The following AMER1 variants were observed in gnomAD, a reference collection of about 807,000 sequenced individuals.
The protein encoded by AMER1 is RP11-403E24.2.
Under a neutral mutation model 53.0 loss-of-function variants are expected in AMER1, and 16 were observed. That is an observed-to-expected ratio of 0.30 (90% CI 0.20 to 0.46). The LOEUF is 0.46. Among genes scored for constraint, AMER1 ranks in the 20% least tolerant of loss-of-function variants. The pLI, the probability that AMER1 is intolerant of heterozygous loss-of-function variation, is 1.00. For missense variants in AMER1, 947 were observed against 884.9 expected, an observed-to-expected ratio of 1.07 and a Z score of -0.89; for synonymous variants, 354 against 331.9, an observed-to-expected ratio of 1.07 and a Z score of -0.73.
Position 64,191,391 on chromosome X carries a change from C to A in AMER1, c.1896G>T (p.Glu632Asp), listed in dbSNP as rs2147087211. ...GGACTTGAGTCTCTCTACAACGAAC[C>A]TCTCGGGCCTGGGCTTCTCGGGTTC... Reference protein sequence around the residue: ...EARTREAQAREVRCRETQVRE... With the variant: ...EARTREAQARDVRCRETQVRE... Residue 632 changes from glutamate (E) to aspartate (D), a missense_variant, in exon 2 of 2, where the codon GAG (glutamate) becomes GAT (aspartate). Coordinates refer to ENST00000374869, the MANE Select transcript of AMER1 (RefSeq NM_152424.4). 1 of 1,211,869 alleles carries A rather than the reference C, an allele frequency of 8.3e-7. No individual in the cohort carries two copies.
intron 1 of AMER1, among the ~76,000 whole-genome samples, chrX:64,199,995 G>A (rs901089315): frequency 8.9e-6 from 1 of 112,510 alleles, no homozygotes; most frequent in Non-Finnish European, 1.9e-5. Flanking sequence ...CCCTAGAAAT[G>A]GGCTTTCCTG....
chrX:64,188,320 C>A lies in AMER1; in HGVS notation c.*1559G>T. 1 of 801,316 alleles carries A rather than the reference C, an allele frequency of 1.2e-6. No individual in the cohort carries two copies. Among genetic ancestry groups the A allele is most frequent in the Non-Finnish European group, 1.5e-6 (1 of 668,077 alleles). 66.0% of individuals were successfully genotyped at this position (801,316 alleles called of 1,213,427 possible). A position where few individuals can be genotyped will look rare whatever the true frequency, so the allele number is the denominator to read the frequency against. On this transcript the variant is annotated 3_prime_UTR_variant, in exon 2 of 2. Coordinates refer to ENST00000374869, the MANE Select transcript of AMER1 (RefSeq NM_152424.4). ...TTCCAATAAAGACATGTAAAAGGAA[C>A]CCTCTCCTACAGGTGATTAATGAGA...
intron 1 of AMER1, among the ~76,000 whole-genome samples, chrX:64,196,107 T>C (rs1489412816): frequency 1.8e-5 from 2 of 112,167 alleles, no homozygotes. Context: ...CCCTTGCTCC[T>C]ATGCTCTGTG....
chrX:64,188,176 G>A lies in AMER1; in HGVS notation c.*1703C>T. 1 of 804,793 alleles carries A rather than the reference G, an allele frequency of 1.2e-6. No individual in the cohort carries two copies. The highest frequency in any genetic ancestry group is 2.2e-5 in the African/African-American group (1 of 46,251). 66.3% of individuals were successfully genotyped at this position (804,793 alleles called of 1,213,427 possible). ...GCTAAATTGCCATATCTCAGGAATG[G>A]CAAGAACCCTGTTGACTTCTTCTCT... On this transcript the variant is annotated 3_prime_UTR_variant, in exon 2 of 2. Transcript: ENST00000374869.
Position 64,189,793 on chromosome X carries a change from A to ACCCAC in AMER1, c.*85_*86insGTGGG. Reference sequence around the variant, plus strand: ...CAAAGGGTTTTCAAGTTAAACAACAACCCCCACCCCCCCACCCTTCTGCCC... The same window carrying ACCCAC: ...CAAAGGGTTTTCAAGTTAAACAACAACCCACCCCCCACCCCCCCACCCTTCTGCCC... On this transcript the variant is annotated 3_prime_UTR_variant, in exon 2 of 2. Coordinates refer to ENST00000374869, the MANE Select transcript of AMER1 (RefSeq NM_152424.4). 6.8e-6 allele frequency: 2 copies of ACCCAC among 292,073 alleles called. No homozygotes were observed. The highest frequency in any genetic ancestry group is 1.6e-3 in the Middle Eastern group (1 of 620). 24.1% of individuals were successfully genotyped at this position (292,073 alleles called of 1,213,427 possible). A position where few individuals can be genotyped will look rare whatever the true frequency, so the allele number is the denominator to read the frequency against.
In AMER1 at chrX:64,190,341, C is replaced by T. The variant is rs763440022; in HGVS notation, c.2946G>A (p.Arg982=). The T allele has an allele frequency of 3.3e-6, 4 of 1,211,401 alleles. No homozygotes were observed. The highest frequency in any genetic ancestry group is 3.5e-5 in the South Asian group (2 of 56,804). The change falls in exon 2 of 2, where the codon AGG becomes AGA. Residue 982 remains arginine, a synonymous_variant. Transcript: ENST00000374869. ...GCCTATATGGAGACTGGCTGGAAGG[C>T]CTGTCCAACTGGTTGGGGCTTATCC... The part of the protein sequence containing the change: ...PAWISPNQLD[R]PSSQSPYRQA...
chrX:64,189,793 A>AGGGGGGCCCCCCCCCC lies in AMER1; in HGVS notation c.*85_*86insGGGGGGGGGGCCCCCC. Reference sequence around the variant, plus strand: ...CAAAGGGTTTTCAAGTTAAACAACAACCCCCACCCCCCCACCCTTCTGCCC... The same window carrying AGGGGGGCCCCCCCCCC: ...CAAAGGGTTTTCAAGTTAAACAACAAGGGGGGCCCCCCCCCCCCCCCACCCCCCCACCCTTCTGCCC... On this transcript the variant is annotated 3_prime_UTR_variant, in exon 2 of 2. Transcript: ENST00000374869. The AGGGGGGCCCCCCCCCC allele has an allele frequency of 3.4e-6, 1 of 292,067 alleles. No individual in the cohort carries two copies. 24.1% of individuals were successfully genotyped at this position (292,067 alleles called of 1,213,427 possible).
At chrX:64,203,336 T>G (rs1348596211) in intron 1 of AMER1, among the ~76,000 whole-genome samples, 2 of 111,708 alleles carry the variant, frequency 1.8e-5, no homozygotes, top group Non-Finnish European at 3.8e-5. Context: ...TTCATATGAA[T>G]CAGGACAAGC....
Position 64,192,061 on chromosome X carries a change from A to T in AMER1, c.1226T>A (p.Leu409Gln), listed in dbSNP as rs1486339845. ...TGGATACATTTGGGCAGTTTCCCAC[A>T]GATATTCTAAGTCATCATCTTCTTC... ...EEEEDDDLEY[L>Q]WETAQMYPRP... The change falls in exon 2 of 2, where the codon CTG (leucine) becomes CAG (glutamine). Residue 409 changes from leucine to glutamine, a missense_variant. Leu to Gln is a moderately radical substitution (Grantham distance 113, BLOSUM62 -2). Coordinates refer to ENST00000374869, the MANE Select transcript of AMER1 (RefSeq NM_152424.4). 1 of 1,210,165 alleles carries T rather than the reference A, an allele frequency of 8.3e-7. No individual in the cohort carries two copies. Among genetic ancestry groups the T allele is most frequent in the African/African-American group, 1.8e-5 (1 of 57,139 alleles).
Position 64,189,793 on chromosome X carries a change from A to ACGGGGCCC in AMER1, c.*85_*86insGGGCCCCG. 3.4e-6 allele frequency: 1 copy of ACGGGGCCC among 292,061 alleles called. No individual in the cohort carries two copies. Among genetic ancestry groups the ACGGGGCCC allele is most frequent in the Non-Finnish European group, 4.9e-6 (1 of 204,824 alleles). The allele number at this position is 292,061 out of a possible 1,213,427, so 24.1% of individuals were successfully genotyped here. A position where few individuals can be genotyped will look rare whatever the true frequency, so the allele number is the denominator to read the frequency against. On this transcript the variant is annotated 3_prime_UTR_variant, in exon 2 of 2. Coordinates refer to ENST00000374869, the MANE Select transcript of AMER1 (RefSeq NM_152424.4). Reference sequence around the variant, plus strand: ...CAAAGGGTTTTCAAGTTAAACAACAACCCCCACCCCCCCACCCTTCTGCCC... The same window carrying ACGGGGCCC: ...CAAAGGGTTTTCAAGTTAAACAACAACGGGGCCCCCCCCACCCCCCCACCCTTCTGCCC...
In AMER1 at chrX:64,189,792, A is replaced by AGGGGGGGGGCCCCCCCCCCCCCCCCCCC; in HGVS notation, c.*86_*87insGGGGGGGGGGGGGGGGGGGCCCCCCCCC. On this transcript the variant is annotated 3_prime_UTR_variant, in exon 2 of 2. Transcript: ENST00000374869. ...CCAAAGGGTTTTCAAGTTAAACAAC[A>AGGGGGGGGGCCCCCCCCCCCCCCCCCCC]ACCCCCACCCCCCCACCCTTCTGCC... The AGGGGGGGGGCCCCCCCCCCCCCCCCCCC allele has an allele frequency of 1.3e-6, 1 of 746,979 alleles. No individual in the cohort carries two copies. Among genetic ancestry groups the AGGGGGGGGGCCCCCCCCCCCCCCCCCCC allele is most frequent in the Non-Finnish European group, 1.7e-6 (1 of 590,434 alleles). The allele number at this position is 746,979 out of a possible 1,213,427, so 61.6% of individuals were successfully genotyped here. A position where few individuals can be genotyped will look rare whatever the true frequency, so the allele number is the denominator to read the frequency against.
rs1475472635 is a variant in AMER1, at chrX:64,186,549, G to A, written c.*3330C>T. 6.4e-6 allele frequency: 5 copies of A among 777,747 alleles called. No individual in the cohort carries two copies. In the African/African-American group the frequency reaches 6.8e-5, roughly 11 times the overall value. The allele number at this position is 777,747 out of a possible 1,213,427, so 64.1% of individuals were successfully genotyped here. A position where few individuals can be genotyped will look rare whatever the true frequency, so the allele number is the denominator to read the frequency against. ...AACTGGGCCTGGGGGCTGAGGGCAG[G>A]TGGGGTGGTGGCACTGGCACAGGTA... is the stretch of plus-strand genomic sequence containing the variant. On this transcript the variant is annotated 3_prime_UTR_variant, in exon 2 of 2. Transcript: ENST00000374869.
In AMER1 at chrX:64,186,969, C is replaced by A; in HGVS notation, c.*2910G>T. ...AGCTACTTCCACTAAGTCCCATTTT[C>A]CCTTAAAATCACATCCAAAAGCATT... On this transcript the variant is annotated 3_prime_UTR_variant, in exon 2 of 2. Transcript: ENST00000374869. 3 of 775,879 alleles carry A rather than the reference C, an allele frequency of 3.9e-6. No homozygotes were observed. The highest frequency in any genetic ancestry group is 4.6e-6 in the Non-Finnish European group (3 of 651,803). The allele number at this position is 775,879 out of a possible 1,213,427, so 63.9% of individuals were successfully genotyped here.
Position 64,189,793 on chromosome X carries a change from A to ACCGGCCCCCCCCCCCCCCCCC in AMER1, c.*85_*86insGGGGGGGGGGGGGGGGGCCGG. 1 of 292,071 alleles carries ACCGGCCCCCCCCCCCCCCCCC rather than the reference A, an allele frequency of 3.4e-6. No homozygotes were observed. Among genetic ancestry groups the ACCGGCCCCCCCCCCCCCCCCC allele is most frequent in the Non-Finnish European group, 4.9e-6 (1 of 204,829 alleles). 24.1% of individuals were successfully genotyped at this position (292,071 alleles called of 1,213,427 possible). On this transcript the variant is annotated 3_prime_UTR_variant, in exon 2 of 2. Transcript: ENST00000374869. ...CAAAGGGTTTTCAAGTTAAACAACA[A>ACCGGCCCCCCCCCCCCCCCCC]CCCCCACCCCCCCACCCTTCTGCCC...
chrX:64,202,212 C>T (rs1038671735), intron 1 of AMER1, among the ~76,000 whole-genome samples: 2 of 111,808 alleles, frequency 1.8e-5, no homozygotes, highest in Admixed American at 9.4e-5. Flanking sequence ...ACTACCTCCT[C>T]TCCTTTTGAA....
rs956543078 is a variant in AMER1 at position 64,188,130 on chromosome X, G to A, written c.*1749C>T. ...CCACAAAGTCACCTTGACTTAGGGG[G>A]CAAACAGCATCTGTTCCCAAGCTAA... On this transcript the variant is annotated 3_prime_UTR_variant, in exon 2 of 2. Coordinates refer to ENST00000374869, the MANE Select transcript of AMER1 (RefSeq NM_152424.4). 3.8e-6 allele frequency: 3 copies of A among 796,428 alleles called. No homozygotes were observed. Among genetic ancestry groups the A allele is most frequent in the African/African-American group, 2.2e-5 (1 of 45,214 alleles). 65.6% of individuals were successfully genotyped at this position (796,428 alleles called of 1,213,427 possible).
Position 64,189,794 on chromosome X carries a change from C to CCG in AMER1, c.*84_*85insCG. On this transcript the variant is annotated 3_prime_UTR_variant, in exon 2 of 2. Transcript: ENST00000374869. ...AAAGGGTTTTCAAGTTAAACAACAACCCCCACCCCCCCACCCTTCTGCCCA... is the reference window on the plus strand; with the variant it reads ...AAAGGGTTTTCAAGTTAAACAACAACCGCCCCACCCCCCCACCCTTCTGCCCA... 9.9e-6 allele frequency: 3 copies of CCG among 301,674 alleles called. No homozygotes were observed. Among genetic ancestry groups the CCG allele is most frequent in the African/African-American group, 4.1e-5 (1 of 24,175 alleles). The allele number at this position is 301,674 out of a possible 1,213,427, so 24.9% of individuals were successfully genotyped here. A position where few individuals can be genotyped will look rare whatever the true frequency, so the allele number is the denominator to read the frequency against.
In AMER1 at chrX:64,192,534, C is replaced by T. The variant is rs762292528; in HGVS notation, c.753G>A (p.Glu251=). Residue 251 remains glutamate, a synonymous_variant, in exon 2 of 2, where the codon GAG becomes GAA. Coordinates refer to ENST00000374869, the MANE Select transcript of AMER1 (RefSeq NM_152424.4). ...PTPEPSPPAT[E]KMACKDPEKP... ...TTTCTGGATCTTTACAGGCCATTTT[C>T]TCAGTAGCTGGTGGAGAAGGTTCTG... 1 of 1,206,148 alleles carries T rather than the reference C, an allele frequency of 8.3e-7. No individual in the cohort carries two copies. Among genetic ancestry groups the T allele is most frequent in the Admixed American group, 2.2e-5 (1 of 44,949 alleles).
At chrX:64,204,187 GA>G (rs1569194761) in intron 1 of AMER1, among the ~76,000 whole-genome samples, 1 of 113,350 alleles carries the variant, frequency 8.8e-6, no homozygotes, top group African/African-American at 3.2e-5. Flanking sequence ...CACACTGGGG[GA>G]GGGGGCTCTG....
Sources: allele counts gnomAD v4.1 joint callset (sites outside exome capture counted in the v4.1 genomes callset), GRCh38; gene constraint gnomAD v4.1.1; transcripts MANE v1.5; gene names NCBI Gene and HGNC (gene_info 2026-07-23, HGNC 2026-07-21).